Variants in IGSF11 observed in about 807,000 individuals in gnomAD.
IGSF11 encodes CXADR like 1.
IGSF11 carries 22 observed loss-of-function variants against 41.0 expected under a neutral mutation model. That is an observed-to-expected ratio of 0.54 (90% CI 0.38 to 0.77). The LOEUF (loss-of-function observed/expected upper bound fraction) is 0.77, where lower values mean the gene tolerates loss of function less well. Among genes scored for constraint, IGSF11 ranks in the 30% least tolerant of loss-of-function variants. IGSF11 has a pLI of 0.00. For missense variants in IGSF11, 444 were observed against 530.8 expected (o/e 0.84, Z 1.61); for synonymous variants, 219 against 201.3 (o/e 1.09, Z -0.74).
chr3:118,904,785 G>A lies in IGSF11; in HGVS notation c.717C>T (p.Asn239=), dbSNP rs1459889922. 4 of 1,605,572 alleles carry A rather than the reference G, an allele frequency of 2.5e-6. No individual in the cohort carries two copies. The highest frequency in any genetic ancestry group is 3.4e-6 in the Non-Finnish European group (4 of 1,177,652). The change falls in exon 6 of 7, where the codon AAC becomes AAT. Residue 239 remains asparagine (N), a synonymous_variant. Coordinates refer to ENST00000393775, the MANE Select transcript of IGSF11 (RefSeq NM_001015887.3). ...DLQVISPQPR[N]IGLIAGAIGT... is the part of the protein sequence containing the mutation. ...CAATGGCTCCAGCTATTAGTCCAAT[G>A]TTCCTGGGCTGGGCTGCAAAATATA...
intron 1 of IGSF11, among the ~76,000 whole-genome samples, chr3:118,931,983 T>C (rs770985179): frequency 3.3e-4 from 50 of 152,276 alleles, no homozygotes; most frequent in Middle Eastern, 6.8e-3. Context: ...TCTGGCCACC[T>C]TGGCCTCCCA....
chr3:119,007,436 C>T (rs7632458), intron 1 of IGSF11, among the ~76,000 whole-genome samples: 54,762 of 151,200 alleles, frequency 0.36, 11,746 homozygotes, highest in African/African-American at 0.6. Context: ...GCGTCGCTCA[C>T]GCTGGGAGCT....
intron 1 of IGSF11, among the ~76,000 whole-genome samples, chr3:118,997,529 C>G (rs1936387894): frequency 7.0e-6 from 1 of 142,878 alleles, no homozygotes; most frequent in South Asian, 2.4e-4. Context: ...CTCTGCTGCC[C>G]CCCCCCAGCC....
intron 1 of IGSF11, among the ~76,000 whole-genome samples, chr3:118,932,764 C>T (rs1942959103): frequency 6.6e-6 from 1 of 152,110 alleles, no homozygotes; most frequent in Non-Finnish European, 1.5e-5. Context: ...GTGTGGAAGC[C>T]AAACTGGTGC....
chr3:119,097,503 G>A (rs1237065377), intron 1 of IGSF11, among the ~76,000 whole-genome samples: 1 of 152,070 alleles, frequency 6.6e-6, no homozygotes, highest in Non-Finnish European at 1.5e-5. Flanking sequence ...CACAGGTTGG[G>A]GGTGAGGTTC....
intron 1 of IGSF11, among the ~76,000 whole-genome samples, chr3:119,110,622 G>T (rs890843150): frequency 1.3e-5 from 2 of 152,008 alleles, no homozygotes; most frequent in African/African-American, 4.8e-5. Flanking sequence ...TGTGAATTTG[G>T]TCCTGTCATT....
intron 1 of IGSF11, among the ~76,000 whole-genome samples, chr3:118,997,741 C>G (rs1936415957): frequency 6.6e-6 from 1 of 152,146 alleles, no homozygotes; most frequent in Admixed American, 6.6e-5. Context: ...AAGTTACCTT[C>G]ATTCCTCTCT....
intron 1 of IGSF11, among the ~76,000 whole-genome samples, chr3:119,054,503 A>T (rs1326251823): frequency 6.6e-6 from 1 of 152,228 alleles, no homozygotes; most frequent in Admixed American, 6.5e-5. Flanking sequence ...TCCTGCAAGA[A>T]CGGCCATAAT....
At chr3:119,009,488 A>G (rs1937835117) in intron 1 of IGSF11, among the ~76,000 whole-genome samples, 1 of 152,170 alleles carries the variant, frequency 6.6e-6, no homozygotes, top group African/African-American at 2.4e-5. Context: ...TAAAGGTGGC[A>G]GTTTCCCCTG....
intron 1 of IGSF11, among the ~76,000 whole-genome samples, chr3:119,114,780 T>C (rs2077233027): frequency 6.6e-6 from 1 of 152,188 alleles, no homozygotes; most frequent in Non-Finnish European, 1.5e-5. Context: ...CACTCTTAGG[T>C]ACCAATTTTC....
At chr3:119,137,801 ACTACCCAT>A (rs1168421060) in intron 1 of IGSF11, among the ~76,000 whole-genome samples, 6 of 152,222 alleles carry the variant, frequency 3.9e-5, no homozygotes, top group African/African-American at 7.2e-5. Context: ...ATATTTTCAA[ACTACCCAT>A]CTGACAAGGG....
At chr3:119,001,986 C>A (rs859019) in intron 1 of IGSF11, among the ~76,000 whole-genome samples, 2,869 of 131,542 alleles carry the variant, frequency 0.022, 33 homozygotes, top group Non-Finnish European at 0.029. Context: ...GGTATATACC[C>A]AGTAATGGGA....
At chr3:119,046,667 A>G (rs974313989) in intron 1 of IGSF11, among the ~76,000 whole-genome samples, 18 of 152,040 alleles carry the variant, frequency 1.2e-4, no homozygotes, top group Admixed American at 1.2e-3. Context: ...CTCCTCGAGA[A>G]GAGCAACTCC....
chr3:118,938,175 C>T (rs1354366994), intron 1 of IGSF11, among the ~76,000 whole-genome samples: 2 of 152,154 alleles, frequency 1.3e-5, no homozygotes, highest in South Asian at 4.1e-4. Flanking sequence ...TCTCCAAAAA[C>T]TTGGTGTGAA....
At chr3:119,112,748 C>G (rs571257986) in intron 1 of IGSF11, 1 of 152,848 alleles carries the variant, frequency 6.5e-6, no homozygotes, top group African/African-American at 2.4e-5. Flanking sequence ...CTCCTCCCAC[C>G]ATATGTCCTG....
At chr3:119,133,752 G>T (rs1430723984) in intron 1 of IGSF11, among the ~76,000 whole-genome samples, 1 of 152,170 alleles carries the variant, frequency 6.6e-6, no homozygotes, top group Non-Finnish European at 1.5e-5. Context: ...CAAAAGCCTG[G>T]AAGAGACTCA....
intron 1 of IGSF11, among the ~76,000 whole-genome samples, chr3:119,140,051 T>C (rs2107548454): frequency 6.6e-6 from 1 of 152,116 alleles, no homozygotes; most frequent in African/African-American, 2.4e-5. Flanking sequence ...AAAGGTACAC[T>C]AGGAAATATC....
intron 1 of IGSF11, among the ~76,000 whole-genome samples, chr3:119,057,782 C>T (rs367973529): frequency 0.017 from 2,603 of 152,158 alleles, 76 homozygotes; most frequent in African/African-American, 0.058. Flanking sequence ...GAGATACAGA[C>T]CAATGGAACA....
At chr3:119,073,341 T>G (rs1479278163) in intron 1 of IGSF11, among the ~76,000 whole-genome samples, 2 of 152,194 alleles carry the variant, frequency 1.3e-5, no homozygotes, top group Admixed American at 1.3e-4. Context: ...CTTTGCCTAG[T>G]GGATCCCGCG....
Sources: allele counts gnomAD v4.1 joint callset (sites outside exome capture counted in the v4.1 genomes callset), GRCh38; gene constraint gnomAD v4.1.1; transcripts MANE v1.5; gene names NCBI Gene and HGNC (gene_info 2026-07-23, HGNC 2026-07-21).